Variants in PLAGL1 observed in about 807,000 individuals in gnomAD.
The protein encoded by PLAGL1 is zinc finger protein PLAGL1.
PLAGL1 carries 1 observed loss-of-function variant against 4.6 expected under a neutral mutation model. The observed-to-expected ratio is 0.22, with a 90% CI of 0.08 to 1.03. PLAGL1 has a LOEUF of 1.03. PLAGL1 is among the 50% of genes least tolerant of loss of function. The pLI, the probability that PLAGL1 is intolerant of heterozygous loss-of-function variation, is 0.58. For synonymous variants in PLAGL1, 240 were observed against 237.8 expected, an observed-to-expected ratio of 1.01 and a Z score of -0.08; for missense variants, 464 against 570.4, an observed-to-expected ratio of 0.81 and a Z score of 1.90.
Position 143,949,954 on chromosome 6 carries a change from A to G in PLAGL1, c.-324-1494T>C, listed in dbSNP as rs1489069437. 6.6e-6 allele frequency among the ~76,000 whole-genome samples: 1 copy of G among 152,232 alleles called. No individual in the cohort carries two copies. Among genetic ancestry groups the G allele is most frequent in the Admixed American group, 6.5e-5 (1 of 15,290 alleles). On this transcript the variant is annotated intron_variant, in intron 6 of 7. Transcript: ENST00000674357. This position sits in a 1 kb window ranked among gnomAD's most constrained non-coding sequence, Gnocchi z 5.3. ...TTTAAACATGTTTAAATATAGCATT[A>G]TGTAGCACACGGACATAACCAAACA...
At chr6:143,980,568 T>G (rs530637880) in intron 2 of PLAGL1, among the ~76,000 whole-genome samples, 226 of 152,286 alleles carry the variant, frequency 1.5e-3, no homozygotes, top group African/African-American at 5.1e-3. Flanking sequence ...ACCTTATGCT[T>G]TCCACTACCA....
Position 144,036,059 on chromosome 6 carries a change from C to T in PLAGL1, c.-151+28409G>A, listed in dbSNP as rs12207102. On this transcript the variant is annotated intron_variant, in intron 1 of 3. Coordinates refer to the PLAGL1 transcript ENST00000437412. This position sits in a 1 kb window ranked among gnomAD's most constrained non-coding sequence, Gnocchi z 5.1. ...TAGCCTGGAAACCCTCAATGCAGGA[C>T]TCCAACCCCAAGAAAGTGCTTCAAG... 0.33 allele frequency among the ~76,000 whole-genome samples: 50,082 copies of T among 151,978 alleles called. 10,080 individuals carry two copies. Among genetic ancestry groups the T allele is most frequent in the Non-Finnish European group, 0.47 (31,661 of 67,936 alleles).
intron 7 of PLAGL1, among the ~76,000 whole-genome samples, chr6:143,946,656 G>A (rs998392618): frequency 6.6e-6 from 1 of 152,188 alleles, no homozygotes; most frequent in African/African-American, 2.4e-5. Flanking sequence ...TCTTTCAAGT[G>A]CCTTCCTCCA....
At chr6:143,969,594 G>T (rs529316852) in intron 2 of PLAGL1, among the ~76,000 whole-genome samples, 4 of 151,564 alleles carry the variant, frequency 2.6e-5, no homozygotes, top group African/African-American at 9.7e-5. Context: ...AGACCAGCCT[G>T]GGCAACATAG....
intron 1 of PLAGL1, among the ~76,000 whole-genome samples, chr6:144,024,858 C>T (rs1796226341): frequency 6.6e-6 from 1 of 152,114 alleles, no homozygotes; most frequent in Non-Finnish European, 1.5e-5. Flanking sequence ...CCATGTATAT[C>T]AGTATGATCC....
chr6:143,999,729 T>C (rs1175624700), intron 1 of PLAGL1, among the ~76,000 whole-genome samples: 1 of 152,188 alleles, frequency 6.6e-6, no homozygotes, highest in South Asian at 2.1e-4. Flanking sequence ...GTAAATTAAA[T>C]CCAAATCATG....
At chr6:144,021,524 A>C (rs1407645171) in intron 1 of PLAGL1, among the ~76,000 whole-genome samples, 2 of 152,184 alleles carry the variant, frequency 1.3e-5, no homozygotes, top group Admixed American at 1.3e-4. Flanking sequence ...TGATGGAATA[A>C]CTACATGGAG....
At position 144,039,697 on chromosome 6, in the gene PLAGL1, G is replaced by A. The variant is rs747221330; in HGVS notation, c.-151+24771C>T. Among the ~76,000 whole-genome samples, 5 of 152,120 alleles carry A rather than the reference G, an allele frequency of 3.3e-5. No homozygotes were observed. The highest frequency in any genetic ancestry group is 4.8e-5 in the African/African-American group (2 of 41,412). ...GGGTATTAAATAGCACAACCACTTTGATCAATAATTTGTAATAGTCAGTGA... is the reference window on the plus strand; with the variant it reads ...GGGTATTAAATAGCACAACCACTTTAATCAATAATTTGTAATAGTCAGTGA... On this transcript the variant is annotated intron_variant, in intron 1 of 3. Coordinates refer to the PLAGL1 transcript ENST00000437412. This position sits in a 1 kb window ranked among gnomAD's most constrained non-coding sequence, Gnocchi z 4.1.
rs1218273593 is a variant in PLAGL1, at chr6:143,979,795, C to T, written c.-544+5340G>A. On this transcript the variant is annotated intron_variant, in intron 2 of 7. Transcript: ENST00000674357. This position sits in a 1 kb window ranked among gnomAD's most constrained non-coding sequence, Gnocchi z 4.6. ...ACTGCTATCTGGCATTATTTTCCTTCTTTATTAAATCAACTGACAATAAAT... is the reference window on the plus strand; with the variant it reads ...ACTGCTATCTGGCATTATTTTCCTTTTTTATTAAATCAACTGACAATAAAT... Among the ~76,000 whole-genome samples, 1 of 151,820 alleles carries T rather than the reference C, an allele frequency of 6.6e-6. No homozygotes were observed. The highest frequency in any genetic ancestry group is 1.5e-5 in the Non-Finnish European group (1 of 67,904).
At position 144,048,270 on chromosome 6, in the gene PLAGL1, G is replaced by A. The variant is rs1798316037; in HGVS notation, c.-151+16198C>T. Among the ~76,000 whole-genome samples the A allele has an allele frequency of 1.3e-5, 2 of 152,202 alleles. No homozygotes were observed. The highest frequency in any genetic ancestry group is 4.1e-4 in the South Asian group (2 of 4,832). On this transcript the variant is annotated intron_variant, in intron 1 of 3. Transcript: ENST00000437412. The surrounding 1 kb of genome is among the most constrained non-coding windows in gnomAD (Gnocchi z 4.8). ...CTTTTCCAGGTGCACAGTGCAAGCT[G>A]TCAGTGGATCTAGCATTCTGGGATC...
rs1784096889 is a variant in PLAGL1 at position 143,964,780 on chromosome 6, T to C, written c.-399+7A>G. The C allele has an allele frequency of 6.6e-6, 1 of 152,354 alleles. No homozygotes were observed. Among genetic ancestry groups the C allele is most frequent in the Non-Finnish European group, 1.5e-5 (1 of 68,078 alleles). The allele number at this position is 152,354 out of a possible 1,614,324, so 9.4% of individuals were successfully genotyped here. A position where few individuals can be genotyped will look rare whatever the true frequency, so the allele number is the denominator to read the frequency against. ...GGAAACAAGGGCAGATGTTAGAGTATACTCACAAGATTAACTCCTCTGATT... is the reference window on the plus strand; with the variant it reads ...GGAAACAAGGGCAGATGTTAGAGTACACTCACAAGATTAACTCCTCTGATT... On this transcript the variant is annotated splice_region_variant and intron_variant, in intron 5 of 7. Coordinates refer to ENST00000674357, the MANE Select transcript of PLAGL1 (RefSeq NM_001317162.2). The surrounding 1 kb of genome is among the most constrained non-coding windows in gnomAD (Gnocchi z 4.3).
chr6:144,013,691 C>T lies in PLAGL1; in HGVS notation c.-150-44713G>A, dbSNP rs904797085. On this transcript the variant is annotated intron_variant, in intron 1 of 3. Transcript: ENST00000437412. This position sits in a 1 kb window ranked among gnomAD's most constrained non-coding sequence, Gnocchi z 4.4. The stretch of plus-strand genomic sequence containing the variant: ...TGGCTTCCTCGGCTTCCTTGGCTTG[C>T]GGCCACAGCATGCCAATCTCTGCCT... Among the ~76,000 whole-genome samples, 1 of 152,230 alleles carries T rather than the reference C, an allele frequency of 6.6e-6. No homozygotes were observed. Among genetic ancestry groups the T allele is most frequent in the Admixed American group, 6.5e-5 (1 of 15,294 alleles).
At chr6:144,060,189 A>G (rs929077239) in intron 1 of PLAGL1, among the ~76,000 whole-genome samples, 1 of 152,060 alleles carries the variant, frequency 6.6e-6, no homozygotes, top group Non-Finnish European at 1.5e-5. Context: ...CTGGGACTAC[A>G]GGCGTAGTCC....
At chr6:144,020,823 AT>A (rs1429882257) in intron 1 of PLAGL1, among the ~76,000 whole-genome samples, 4 of 145,972 alleles carry the variant, frequency 2.7e-5, no homozygotes, top group Admixed American at 6.9e-5. Context: ...TATATATTAT[AT>A]TATATATAAT....
intron 1 of PLAGL1, among the ~76,000 whole-genome samples, chr6:144,031,801 T>A (rs1470592011): frequency 6.6e-6 from 1 of 152,192 alleles, no homozygotes; most frequent in African/African-American, 2.4e-5. Context: ...CCAGATTTGT[T>A]CTTTTTGCTT....
At chr6:143,998,676 T>A (rs1467573115) in intron 1 of PLAGL1, among the ~76,000 whole-genome samples, 10 of 152,204 alleles carry the variant, frequency 6.6e-5, no homozygotes, top group Admixed American at 5.9e-4. Flanking sequence ...TAACAAGGGC[T>A]ATAGATTATA....
intron 2 of PLAGL1, among the ~76,000 whole-genome samples, chr6:143,981,624 C>T (rs1372839888): frequency 1.3e-5 from 2 of 152,070 alleles, no homozygotes; most frequent in African/African-American, 2.4e-5. Context: ...TGTCGGAATG[C>T]CTTTGTTTCA....
At chr6:144,010,506 TATC>T (rs1375327420), upstream of PLAGL1, among the ~76,000 whole-genome samples, 2 of 152,112 alleles carry the variant, frequency 1.3e-5, no homozygotes, top group Non-Finnish European at 2.9e-5. This position sits in a 1 kb window ranked among gnomAD's most constrained non-coding sequence, Gnocchi z 4.1. Context: ...AAGAATCAAT[TATC>T]ATGAAAATTG....
Position 144,006,390 on chromosome 6 carries a change from CAGGCGA to C in PLAGL1, c.-584+1694_-584+1699del, listed in dbSNP as rs1794180313. 1 of 152,194 alleles carries C rather than the reference CAGGCGA, an allele frequency of 6.6e-6. No individual in the cohort carries two copies. The highest frequency in any genetic ancestry group is 6.5e-5 in the Admixed American group (1 of 15,278). 9.4% of individuals were successfully genotyped at this position (152,194 alleles called of 1,614,324 possible). ...ACACCCATGTAACCATTGCACAGGT[CAGGCGA>C]TAAAGCATTTCCAGCATCTCTGAGC... is the stretch of plus-strand genomic sequence containing the variant. On this transcript the variant is annotated intron_variant, in intron 1 of 7. Transcript: ENST00000674357. This position sits in a 1 kb window ranked among gnomAD's most constrained non-coding sequence, Gnocchi z 4.3.
Sources: gnomAD v4.1 joint callset for allele counts (sites outside exome capture counted in the v4.1 genomes callset) on GRCh38, gnomAD v4.1.1 for gene constraint, Gnocchi (gnomAD v3.1) non-coding constraint, MANE v1.5 for transcripts, NCBI Gene and HGNC (gene_info 2026-07-23, HGNC 2026-07-21) for gene names.